The following TCF12 variants were observed in gnomAD, a reference collection of about 807,000 sequenced individuals.
TCF12 encodes transcription factor 12.
Under a neutral mutation model 86.0 loss-of-function variants are expected in TCF12, and 45 were observed. The ratio of observed to expected loss-of-function variants is 0.52; its 90% CI spans 0.41 to 0.67. The LOEUF (loss-of-function observed/expected upper bound fraction) is 0.67. TCF12 is among the 30% of genes least tolerant of loss of function. The probability of loss-of-function intolerance (pLI) is 0.00; values close to 1 mark genes in which losing one functional copy is unlikely to be tolerated. For missense variants in TCF12, 881 were observed against 859.9 expected (o/e 1.02, Z -0.31); for synonymous variants, 330 against 299.6 (o/e 1.10, Z -1.05).
intron 6 of TCF12, among the ~76,000 whole-genome samples, chr15:57,170,681 T>TATAA (rs1567558007): frequency 0.017 from 29 of 1,744 alleles, no homozygotes; most frequent in African/African-American, 0.036. Flanking sequence ...ATATAATATA[T>TATAA]TATATATAAT....
intron 5 of TCF12, among the ~76,000 whole-genome samples, chr15:57,135,675 G>C (rs939137228): frequency 1.6e-4 from 25 of 152,300 alleles, no homozygotes; most frequent in Admixed American, 2.0e-4. Flanking sequence ...TTTAACTGCA[G>C]TATATCACAT....
At chr15:56,978,085 A>T (rs142322260) in intron 3 of TCF12, among the ~76,000 whole-genome samples, 28 of 152,366 alleles carry the variant, frequency 1.8e-4, no homozygotes, top group Non-Finnish European at 2.9e-4. Flanking sequence ...AATGTATATT[A>T]AAAAGCATGC....
In TCF12 at chr15:57,091,489, A is replaced by G. The variant is rs577555855; in HGVS notation, c.223-300A>G. On this transcript the variant is annotated intron_variant, in intron 4 of 20. Transcript: ENST00000333725. ...TTTAGTAATAGTTTACAGAATTCTT[A>G]TAGCTCCCCATCCCATCAGAAGAGC... is the stretch of plus-strand genomic sequence containing the variant. Among the ~76,000 whole-genome samples, 17 of 152,304 alleles carry G rather than the reference A, an allele frequency of 1.1e-4. No individual in the cohort carries two copies. In the South Asian group the frequency reaches 3.5e-3, roughly 32 times the overall value.
chr15:57,253,196 C>T (rs1288185603), intron 15 of TCF12, 66 bp from the exon 16 acceptor site: 9 of 1,547,230 alleles, frequency 5.8e-6, no homozygotes, highest in East Asian at 2.3e-5. Flanking sequence ...TAGTAGGAAA[C>T]GTAGCAGTTA....
At chr15:57,129,517 A>T (rs573994298) in intron 5 of TCF12, among the ~76,000 whole-genome samples, 1 of 152,222 alleles carries the variant, frequency 6.6e-6, no homozygotes, top group African/African-American at 2.4e-5. Context: ...GCGCCACTGC[A>T]TTCCAACCCT....
intron 3 of TCF12, among the ~76,000 whole-genome samples, chr15:57,061,854 T>G (rs2068481105): frequency 6.6e-6 from 1 of 152,180 alleles, no homozygotes; most frequent in Non-Finnish European, 1.5e-5. Context: ...TTGGATTGAG[T>G]CTCAGAGGAA....
intron 6 of TCF12, among the ~76,000 whole-genome samples, chr15:57,169,706 A>G (rs1269802775): frequency 6.6e-6 from 1 of 152,184 alleles, no homozygotes; most frequent in African/African-American, 2.4e-5. Flanking sequence ...AGAAAACACT[A>G]TTGTAAGCTT....
At chr15:57,172,701 G>A (rs1159622529) in intron 6 of TCF12, among the ~76,000 whole-genome samples, 2 of 152,076 alleles carry the variant, frequency 1.3e-5, no homozygotes, top group African/African-American at 4.8e-5. Context: ...CTTGGGTGAT[G>A]AAATAACGTG....
chr15:57,183,176 T>C (rs1410093897), intron 6 of TCF12, among the ~76,000 whole-genome samples: 1 of 152,182 alleles, frequency 6.6e-6, no homozygotes, highest in Non-Finnish European at 1.5e-5. Flanking sequence ...ACAGAAGAGG[T>C]TGAAGAATAA....
At chr15:57,053,581 G>A (rs1567327163) in intron 3 of TCF12, among the ~76,000 whole-genome samples, 1 of 151,126 alleles carries the variant, frequency 6.6e-6, no homozygotes, top group Non-Finnish European at 1.5e-5. Context: ...ATCAGGCACC[G>A]CAGAACAGAG....
chr15:57,242,163 G>C (rs1434230459), intron 12 of TCF12, among the ~76,000 whole-genome samples: 1 of 152,072 alleles, frequency 6.6e-6, no homozygotes, highest in Non-Finnish European at 1.5e-5. Flanking sequence ...AAATTCATTA[G>C]AGCTCTTAAG....
chr15:56,938,392 CTT>C (rs2060577284), intron 3 of TCF12, among the ~76,000 whole-genome samples: 1 of 151,986 alleles, frequency 6.6e-6, no homozygotes, highest in Non-Finnish European at 1.5e-5. Flanking sequence ...ATCTCCTGAC[CTT>C]GTGATCCCCC....
At chr15:56,953,670 A>G (rs566517586) in intron 3 of TCF12, among the ~76,000 whole-genome samples, 1 of 152,158 alleles carries the variant, frequency 6.6e-6, no homozygotes, top group East Asian at 1.9e-4. Flanking sequence ...TGTTTCTCAA[A>G]GATTGTTTAT....
At chr15:57,091,732 C>G in intron 4 of TCF12, 57 bp from the exon 5 acceptor site, 1 of 1,295,674 alleles carries the variant, frequency 7.7e-7, no homozygotes, top group Non-Finnish European at 1.1e-6. Flanking sequence ...TCATTATGCT[C>G]AATTAGCGGG....
chr15:57,210,373 C>T, intron 8 of TCF12, among the ~76,000 whole-genome samples: 1 of 151,356 alleles, frequency 6.6e-6, no homozygotes, highest in African/African-American at 2.4e-5. Flanking sequence ...TGTTTTAACT[C>T]ACTGTATTAT....
At chr15:56,993,979 T>C (rs1436297214) in intron 3 of TCF12, among the ~76,000 whole-genome samples, 2 of 152,164 alleles carry the variant, frequency 1.3e-5, no homozygotes, top group South Asian at 2.1e-4. Flanking sequence ...GTAGCTATTA[T>C]AAAATGTTTC....
intron 16 of TCF12, among the ~76,000 whole-genome samples, chr15:57,259,119 T>G (rs2060474398): frequency 6.6e-6 from 1 of 152,182 alleles, no homozygotes; most frequent in Non-Finnish European, 1.5e-5. Context: ...TTATAGTGCT[T>G]TTTTAAGGGT....
intron 5 of TCF12, among the ~76,000 whole-genome samples, chr15:57,133,624 G>GTTTT (rs61579168): frequency 6.9e-6 from 1 of 144,612 alleles, no homozygotes; most frequent in African/African-American, 2.5e-5. Flanking sequence ...GCAGTAATGT[G>GTTTT]TTTTTTTTTT....
intron 5 of TCF12, among the ~76,000 whole-genome samples, chr15:57,125,415 A>G (rs1275027513): frequency 6.6e-6 from 1 of 152,264 alleles, no homozygotes; most frequent in African/African-American, 2.4e-5. Context: ...AGTTAACTTA[A>G]GGCCAACAAC....
Sources: allele counts gnomAD v4.1 joint callset (sites outside exome capture counted in the v4.1 genomes callset), GRCh38; gene constraint gnomAD v4.1.1; transcripts MANE v1.5; gene names NCBI Gene and HGNC (gene_info 2026-07-23, HGNC 2026-07-21).